Variants in FARP2 observed in about 807,000 individuals in gnomAD.
FARP2 encodes the protein FERM, ARHGEF and pleckstrin domain-containing protein 2.
In FARP2, 111 loss-of-function variants were observed where a neutral mutation model predicts 130.5. The ratio of observed to expected loss-of-function variants is 0.85; its 90% CI spans 0.73 to 1.00. The LOEUF (loss-of-function observed/expected upper bound fraction) is 1.00. Among genes scored for constraint, FARP2 ranks in the 50% least tolerant of loss-of-function variants. The pLI is 0.00. For synonymous variants in FARP2, 504 were observed against 516.9 expected, an observed-to-expected ratio of 0.98 and a Z score of 0.34; for missense variants, 1,385 against 1,346.3, an observed-to-expected ratio of 1.03 and a Z score of -0.45.
intron 2 of FARP2, among the ~76,000 whole-genome samples, chr2:241,398,482 A>C (rs915042849): frequency 1.3e-5 from 2 of 152,066 alleles, no homozygotes; most frequent in African/African-American, 4.8e-5. Flanking sequence ...CATTGTAAAA[A>C]CAAATCACTG....
chr2:241,465,749 C>T (rs947307345), intron 17 of FARP2: 32 of 1,550,564 alleles, frequency 2.1e-5, no homozygotes, highest in Middle Eastern at 1.7e-4. Flanking sequence ...GCCACAGTGA[C>T]GACGACGACT....
At chr2:241,404,934 A>G in intron 4 of FARP2, 93 bp downstream of exon 4, 1 of 918,166 alleles carries the variant, frequency 1.1e-6, no homozygotes, top group Admixed American at 1.8e-5. Flanking sequence ...CATTCTCACC[A>G]CCGTGTATGG....
intron 8 of FARP2, among the ~76,000 whole-genome samples, chr2:241,421,289 C>T (rs1178430113): frequency 6.6e-6 from 1 of 152,222 alleles, no homozygotes; most frequent in Non-Finnish European, 1.5e-5. Flanking sequence ...AGGAGTTTCA[C>T]ATACTTCAGC....
intron 21 of FARP2, 66 bp downstream of exon 21, chr2:241,484,397 T>C (rs1315960630): frequency 1.5e-6 from 2 of 1,334,406 alleles, no homozygotes; most frequent in African/African-American, 1.4e-5. Flanking sequence ...CCTACCTCTC[T>C]CCTGCAGAGG....
intron 13 of FARP2, among the ~76,000 whole-genome samples, chr2:241,453,769 GTTTTTTTTTTTTTTTTTTT>G (rs1180224982): frequency 1.9e-5 from 1 of 54,022 alleles, no homozygotes; most frequent in East Asian, 6.5e-4. Context: ...GCACTTACTG[GTTTTTTTTTTTTTTTTTTT>G]TTTTTTTTTT....
At chr2:241,418,697 C>T (rs925498962) in intron 8 of FARP2, among the ~76,000 whole-genome samples, 5 of 152,164 alleles carry the variant, frequency 3.3e-5, no homozygotes, top group African/African-American at 4.8e-5. Context: ...ATGGCCTGCT[C>T]ACTTCCATTT....
chr2:241,456,851 T>C lies in FARP2; in HGVS notation c.1516T>C (p.Ser506Pro). 5 of 1,613,928 alleles carry C rather than the reference T, an allele frequency of 3.1e-6. No individual in the cohort carries two copies. The highest frequency in any genetic ancestry group is 4.2e-6 in the Non-Finnish European group (5 of 1,179,940). ...VPLGPAEQGS[S>P]PLLSPVLSDA... The stretch of plus-strand genomic sequence containing the variant: ...TTTGGGCCCAGCTGAACAGGGCTCA[T>C]CCCCACTCCTGAGCCCTGTCCTCAG... Residue 506 changes from serine to proline, a missense_variant, in exon 14 of 27, where the codon TCC becomes CCC. By Grantham distance (74) the Ser-to-Pro change is moderately conservative. Coordinates refer to ENST00000264042, the MANE Select transcript of FARP2 (RefSeq NM_014808.4).
At chr2:241,472,645 G>A (rs1014035656) in intron 18 of FARP2, among the ~76,000 whole-genome samples, 10 of 149,700 alleles carry the variant, frequency 6.7e-5, no homozygotes, top group African/African-American at 2.2e-4. Context: ...CTGTGTAGAC[G>A]CTGTTCTGAA....
chr2:241,444,830 G>A (rs375679282), intron 13 of FARP2: 1 of 152,178 alleles, frequency 6.6e-6, no homozygotes, highest in South Asian at 2.1e-4. Flanking sequence ...AGGAATGTAA[G>A]GAACCCGCAT....
At chr2:241,435,995 C>T (rs1041907100) in intron 11 of FARP2, among the ~76,000 whole-genome samples, 2 of 140,978 alleles carry the variant, frequency 1.4e-5, no homozygotes, top group Non-Finnish European at 1.5e-5. Flanking sequence ...TCACTGCAAG[C>T]TCCACCTCCT....
intron 13 of FARP2, among the ~76,000 whole-genome samples, chr2:241,447,968 CT>C (rs1409673206): frequency 6.6e-6 from 1 of 152,192 alleles, no homozygotes; most frequent in Non-Finnish European, 1.5e-5. Flanking sequence ...GGGCAGGGTG[CT>C]CAGTGAGCAC....
chr2:241,444,779 C>A, intron 13 of FARP2: 1 of 152,068 alleles, frequency 6.6e-6, no homozygotes, highest in East Asian at 1.9e-4. Flanking sequence ...AGAGATAATT[C>A]TTTAGTTTTT....
At chr2:241,407,051 GC>G (rs773935773) in intron 4 of FARP2, among the ~76,000 whole-genome samples, 1 of 150,254 alleles carries the variant, frequency 6.7e-6, no homozygotes, top group African/African-American at 2.5e-5. Context: ...CTTGTGATCC[GC>G]CCCCCTCAGC....
intron 21 of FARP2, among the ~76,000 whole-genome samples, chr2:241,484,904 C>T (rs2064714031): frequency 6.6e-6 from 1 of 152,154 alleles, no homozygotes; most frequent in Non-Finnish European, 1.5e-5. Flanking sequence ...AGGCCTAGAA[C>T]GGTACAGACA....
intron 21 of FARP2, chr2:241,488,603 T>G (rs1364527725): frequency 6.6e-6 from 1 of 152,072 alleles, no homozygotes; most frequent in Non-Finnish European, 1.5e-5. Context: ...GGTTTCACCG[T>G]GTTAGCCAGG....
At chr2:241,451,512 G>A (rs375511549) in intron 13 of FARP2, among the ~76,000 whole-genome samples, 76 of 152,288 alleles carry the variant, frequency 5.0e-4, no homozygotes, top group African/African-American at 1.7e-3. Context: ...AGATAGCTGG[G>A]CCTCATCTTT....
chr2:241,369,685 A>G (rs2061384501), intron 1 of FARP2, among the ~76,000 whole-genome samples: 1 of 152,190 alleles, frequency 6.6e-6, no homozygotes, highest in Non-Finnish European at 1.5e-5. Flanking sequence ...ACTTCTAAAA[A>G]TGTATTTCAG....
rs569652756 is a variant in FARP2 at position 241,357,403 on chromosome 2, A to G, written c.-25+1015A>G. Among the ~76,000 whole-genome samples the G allele has an allele frequency of 3.9e-5, 6 of 152,334 alleles. No individual in the cohort carries two copies. In the South Asian group the frequency reaches 1.2e-3, roughly 32 times the overall value. On this transcript the variant is annotated intron_variant, in intron 1 of 26. Transcript: ENST00000264042. ...GAGAGGACATTTGAGGTAGGGAAGC[A>G]TGGAGTAACCTTTACTTGTAGGCCA...
rs183935065 is a variant in FARP2 at position 241,413,477 on chromosome 2, T to C, written c.623+56T>C. ...TGTCACCACAGTAATGACTAAAGAG[T>C]GTGTAACGAGAAAGGACTGTTGTCG... is the stretch of plus-strand genomic sequence containing the variant. On this transcript the variant is annotated intron_variant, in intron 7 of 26. Transcript: ENST00000264042. The C allele has an allele frequency of 1.1e-3, 1,343 of 1,203,008 alleles. 15 individuals are homozygous for C. The African/African-American group carries it at 0.018, about 16-fold the overall frequency. The allele number at this position is 1,203,008 out of a possible 1,614,324, so 74.5% of individuals were successfully genotyped here.
Sources: gnomAD v4.1 joint callset for allele counts (sites outside exome capture counted in the v4.1 genomes callset) on GRCh38, gnomAD v4.1.1 for gene constraint, MANE v1.5 for transcripts, NCBI Gene and HGNC (gene_info 2026-07-23, HGNC 2026-07-21) for gene names.